The following PRKAR2B variants were observed in gnomAD, a reference collection of about 807,000 sequenced individuals.
PRKAR2B encodes the protein cAMP-dependent protein kinase type II-beta regulatory subunit.
Under a neutral mutation model 49.9 loss-of-function variants are expected in PRKAR2B, and 14 were observed. That is an observed-to-expected ratio of 0.28 (90% CI 0.19 to 0.44). The LOEUF is 0.44. Ranked by LOEUF, PRKAR2B falls within the 20% of genes least tolerant of loss-of-function variation. PRKAR2B has a pLI of 1.00. For synonymous variants in PRKAR2B, 196 were observed against 197.7 expected (o/e 0.99, Z 0.07); for missense variants, 393 against 537.9 (o/e 0.73, Z 2.67).
Position 107,126,522 on chromosome 7 carries a change from T to C in PRKAR2B, c.397-1690T>C, listed in dbSNP as rs112185856. ...ATTTCTGTGTGAAGGCTTATAGGAA[T>C]TGAATGGGTTGGAGAGAAAGACATA... On this transcript the variant is annotated intron_variant, in intron 3 of 10. Coordinates refer to ENST00000265717, the MANE Select transcript of PRKAR2B (RefSeq NM_002736.3). Among the ~76,000 whole-genome samples the C allele has an allele frequency of 6.6e-5, 10 of 151,590 alleles. 3 individuals are homozygous for C. Among genetic ancestry groups the C allele is most frequent in the African/African-American group, 2.4e-4 (10 of 41,270 alleles).
chr7:107,156,101 G>C (rs1796082284), intron 8 of PRKAR2B, among the ~76,000 whole-genome samples: 1 of 152,102 alleles, frequency 6.6e-6, no homozygotes, highest in African/African-American at 2.4e-5. Context: ...ACCGGGGCCT[G>C]TCAGGGGGTG....
intron 2 of PRKAR2B, among the ~76,000 whole-genome samples, chr7:107,117,879 G>C (rs1403767319): frequency 6.6e-6 from 1 of 152,136 alleles, no homozygotes; most frequent in Non-Finnish European, 1.5e-5. Context: ...TGCAATGTGG[G>C]AATCTGCTTA....
intron 4 of PRKAR2B, among the ~76,000 whole-genome samples, chr7:107,137,570 G>T (rs1795720162): frequency 6.6e-6 from 1 of 152,162 alleles, no homozygotes; most frequent in Non-Finnish European, 1.5e-5. Flanking sequence ...CCTAGAAAAG[G>T]AACAGTGAGG....
At chr7:107,052,041 A>G (rs1021246818) in intron 1 of PRKAR2B, among the ~76,000 whole-genome samples, 1 of 152,240 alleles carries the variant, frequency 6.6e-6, no homozygotes, top group Admixed American at 6.5e-5. Flanking sequence ...CCCAAAGAGC[A>G]TCTTTTTCAA....
chr7:107,090,891 A>T (rs1426190224), intron 2 of PRKAR2B, among the ~76,000 whole-genome samples: 1 of 152,254 alleles, frequency 6.6e-6, no homozygotes, highest in Non-Finnish European at 1.5e-5. Context: ...TGGGACCGTT[A>T]TCTTGCATAT....
intron 1 of PRKAR2B, among the ~76,000 whole-genome samples, chr7:107,049,102 C>T (rs1478046752): frequency 6.6e-6 from 1 of 152,194 alleles, no homozygotes; most frequent in Non-Finnish European, 1.5e-5. Flanking sequence ...GGAGTAAAAT[C>T]TGTGGTAATT....
intron 1 of PRKAR2B, among the ~76,000 whole-genome samples, chr7:107,051,538 G>C (rs956455419): frequency 6.6e-6 from 1 of 152,028 alleles, no homozygotes; most frequent in Admixed American, 6.6e-5. Context: ...TTATGAGAGC[G>C]AATTTTGTGC....
chr7:107,122,721 A>G (rs1198104662), intron 3 of PRKAR2B, among the ~76,000 whole-genome samples: 6 of 152,182 alleles, frequency 3.9e-5, no homozygotes, highest in East Asian at 1.9e-4. Flanking sequence ...TGAAAAGTAC[A>G]TAAGTAAGAT....
At chr7:107,149,246 T>TA (rs912415200) in intron 6 of PRKAR2B, among the ~76,000 whole-genome samples, 4 of 152,122 alleles carry the variant, frequency 2.6e-5, no homozygotes, top group Non-Finnish European at 4.4e-5. Context: ...AATTTTCTTT[T>TA]AAAAAAAGTA....
intron 5 of PRKAR2B, among the ~76,000 whole-genome samples, chr7:107,143,491 G>A (rs1039600596): frequency 6.6e-5 from 10 of 152,208 alleles, no homozygotes; most frequent in Admixed American, 1.3e-4. Flanking sequence ...TTGGCAGCTG[G>A]TGCAGGTATT....
chr7:107,089,755 G>A (rs1037165271), intron 2 of PRKAR2B, among the ~76,000 whole-genome samples: 1 of 152,200 alleles, frequency 6.6e-6, no homozygotes. Flanking sequence ...AGCACAATTG[G>A]TTGGAAGAGA....
chr7:107,082,539 A>G (rs1405746127), intron 2 of PRKAR2B, among the ~76,000 whole-genome samples: 1 of 152,202 alleles, frequency 6.6e-6, no homozygotes, highest in Admixed American at 6.5e-5. Context: ...TATTACATAG[A>G]CAATTAATTA....
At chr7:107,113,932 T>G (rs1283436557) in intron 2 of PRKAR2B, among the ~76,000 whole-genome samples, 69 of 152,176 alleles carry the variant, frequency 4.5e-4, no homozygotes, top group Admixed American at 4.5e-3. Flanking sequence ...TAGAATTAAG[T>G]AGAATATTTG....
At chr7:107,109,669 G>A (rs1351407324) in intron 2 of PRKAR2B, among the ~76,000 whole-genome samples, 1 of 151,958 alleles carries the variant, frequency 6.6e-6, no homozygotes, top group Non-Finnish European at 1.5e-5. Context: ...TCATACTACC[G>A]AGGAATAGCT....
intron 1 of PRKAR2B, among the ~76,000 whole-genome samples, chr7:107,054,662 T>C (rs1793874935): frequency 6.6e-6 from 1 of 152,182 alleles, no homozygotes; most frequent in East Asian, 1.9e-4. Context: ...TGCAGGAATA[T>C]ACCCTCTCTT....
In PRKAR2B at chr7:107,160,353, A is replaced by C. The variant is rs1475057403; in HGVS notation, c.*771A>C. 1 of 152,222 alleles carries C rather than the reference A, an allele frequency of 6.6e-6. No individual in the cohort carries two copies. The highest frequency in any genetic ancestry group is 2.4e-5 in the African/African-American group (1 of 41,454). 9.4% of individuals were successfully genotyped at this position (152,222 alleles called of 1,614,324 possible). The stretch of plus-strand genomic sequence containing the variant: ...ATTCTCTGTATTCTATGTCTTTAAA[A>C]ATTTGATCTTGACATTTAATGTCAC... On this transcript the variant is annotated 3_prime_UTR_variant, in exon 11 of 11. Transcript: ENST00000265717.
At chr7:107,118,498 C>G (rs1795322085) in intron 2 of PRKAR2B, among the ~76,000 whole-genome samples, 1 of 151,514 alleles carries the variant, frequency 6.6e-6, no homozygotes, top group Admixed American at 6.6e-5. Flanking sequence ...TGTGCCAAGT[C>G]AGTGCTAGGG....
chr7:107,077,552 A>G (rs1794422606), intron 2 of PRKAR2B, among the ~76,000 whole-genome samples: 1 of 152,190 alleles, frequency 6.6e-6, no homozygotes, highest in Middle Eastern at 3.2e-3. Flanking sequence ...GTCCATTTTC[A>G]CCATATGTTG....
chr7:107,145,050 C>A (rs1467770325), intron 5 of PRKAR2B, among the ~76,000 whole-genome samples: 2 of 152,024 alleles, frequency 1.3e-5, no homozygotes, highest in Non-Finnish European at 1.5e-5. Flanking sequence ...AAAAGAACCC[C>A]AGTTAAAAGA....
Sources: gnomAD v4.1 joint callset for allele counts (sites outside exome capture counted in the v4.1 genomes callset) on GRCh38, gnomAD v4.1.1 for gene constraint, MANE v1.5 for transcripts, NCBI Gene and HGNC (gene_info 2026-07-23, HGNC 2026-07-21) for gene names.